Variants in ITGA9 observed in about 807,000 individuals in gnomAD.
The protein encoded by ITGA9 is integrin alpha-9.
Under a neutral mutation model 127.8 loss-of-function variants are expected in ITGA9, and 56 were observed. The observed-to-expected ratio is 0.44, with a 90% CI of 0.35 to 0.55. The LOEUF (loss-of-function observed/expected upper bound fraction) is 0.55. ITGA9 is among the 20% of genes least tolerant of loss of function. The pLI is 0.00. For missense variants in ITGA9, 1,196 were observed against 1,347.1 expected (o/e 0.89, Z 1.76); for synonymous variants, 508 against 514.5 (o/e 0.99, Z 0.17).
chr3:37,531,796 G>T (rs1235480654), intron 13 of ITGA9, among the ~76,000 whole-genome samples: 6 of 152,204 alleles, frequency 3.9e-5, no homozygotes, highest in African/African-American at 1.4e-4. Context: ...GAATTCACCG[G>T]ATCCCAGCCC....
intron 22 of ITGA9, among the ~76,000 whole-genome samples, chr3:37,750,124 A>G (rs1696563544): frequency 6.6e-6 from 1 of 151,666 alleles, no homozygotes; most frequent in African/African-American, 2.4e-5. Flanking sequence ...CCACTGGACT[A>G]GATTATGATG....
At position 37,585,223 on chromosome 3, in the gene ITGA9, C is replaced by G. The variant is rs73824840; in HGVS notation, c.1689+42638C>G. 3.6e-3 allele frequency among the ~76,000 whole-genome samples: 541 copies of G among 152,272 alleles called. 6 individuals are homozygous for G. The highest frequency in any genetic ancestry group is 0.012 in the African/African-American group (499 of 41,548). On this transcript the variant is annotated intron_variant, in intron 15 of 27. Transcript: ENST00000264741. ...CCTTCAGTGAATTCTTTTTGTCTCC[C>G]TGGTTGAAGGAAACATCTGCTTCTG... is the stretch of plus-strand genomic sequence containing the variant.
chr3:37,529,089 C>T (rs557113798), intron 13 of ITGA9, among the ~76,000 whole-genome samples: 2 of 152,236 alleles, frequency 1.3e-5, no homozygotes, highest in East Asian at 3.9e-4. Context: ...GCTTGTTTTT[C>T]CCCTTACTGA....
chr3:37,479,981 GA>G (rs2125557994), intron 3 of ITGA9, among the ~76,000 whole-genome samples: 1 of 152,252 alleles, frequency 6.6e-6, no homozygotes, highest in African/African-American at 2.4e-5. Flanking sequence ...GGCAAACCAA[GA>G]TGTTAAAAAC....
chr3:37,587,084 T>G (rs1018247982), intron 15 of ITGA9, among the ~76,000 whole-genome samples: 1 of 152,232 alleles, frequency 6.6e-6, no homozygotes, highest in Non-Finnish European at 1.5e-5. Flanking sequence ...TTAGCATATG[T>G]TGCATTATGT....
At chr3:37,578,927 C>T (rs1368825473) in intron 15 of ITGA9, among the ~76,000 whole-genome samples, 1 of 151,858 alleles carries the variant, frequency 6.6e-6, no homozygotes, top group Non-Finnish European at 1.5e-5. Flanking sequence ...GGGGAGCAAG[C>T]AGAGAGGGAG....
chr3:37,642,800 T>C (rs973352019), intron 16 of ITGA9, among the ~76,000 whole-genome samples: 1 of 152,224 alleles, frequency 6.6e-6, no homozygotes, highest in African/African-American at 2.4e-5. Context: ...TGGGTCTCCA[T>C]TGTGCTGGAA....
chr3:37,777,435 C>T lies in ITGA9; in HGVS notation c.2585C>T (p.Thr862Ile). 1.9e-6 allele frequency: 3 copies of T among 1,614,094 alleles called. No homozygotes were observed. Among genetic ancestry groups the T allele is most frequent in the Non-Finnish European group, 2.5e-6 (3 of 1,179,932 alleles). The change falls in exon 24 of 28, where the codon ACT becomes ATT. Residue 862 changes from threonine (T) to isoleucine (I), a missense_variant. Thr to Ile is a moderately conservative substitution (Grantham distance 89, BLOSUM62 -1). Coordinates refer to ENST00000264741, the MANE Select transcript of ITGA9 (RefSeq NM_002207.3). The stretch of plus-strand genomic sequence containing the variant: ...AACTGCTCTTTCCAGAAAAACCCAA[C>T]TCCCTGCATCATCCCTCAAGAACAA... ...KGNCSFQKNPTPCIIPQEQEN... is the reference protein window; with the variant it reads ...KGNCSFQKNPIPCIIPQEQEN...
chr3:37,578,839 G>A (rs202238291), intron 15 of ITGA9, among the ~76,000 whole-genome samples: 1 of 141,506 alleles, frequency 7.1e-6, no homozygotes, highest in Non-Finnish European at 1.6e-5. Context: ...AAGAAGGTAA[G>A]TCCTAAGATG....
chr3:37,578,186 T>C (rs192138862), intron 15 of ITGA9, among the ~76,000 whole-genome samples: 17 of 152,350 alleles, frequency 1.1e-4, no homozygotes, highest in Admixed American at 3.9e-4. Context: ...CATTTGCTCT[T>C]TGAAAACTTG....
chr3:37,789,768 CAA>C (rs71635850), intron 26 of ITGA9, among the ~76,000 whole-genome samples: 18 of 35,678 alleles, frequency 5.0e-4, no homozygotes, highest in East Asian at 1.1e-3. Flanking sequence ...GACTCCGTCT[CAA>C]AAAAAAAAAA....
chr3:37,759,067 AT>A (rs1696691551), intron 23 of ITGA9, among the ~76,000 whole-genome samples: 1 of 138,044 alleles, frequency 7.2e-6, no homozygotes, highest in African/African-American at 2.9e-5. Flanking sequence ...ATATATACAT[AT>A]ATATATACCC....
At chr3:37,481,143 C>G (rs144211499) in intron 3 of ITGA9, among the ~76,000 whole-genome samples, 155 of 152,342 alleles carry the variant, frequency 1.0e-3, no homozygotes, top group Non-Finnish European at 1.7e-3. Flanking sequence ...CCCTCTTCCC[C>G]TCATGCTTCA....
At chr3:37,572,861 A>G (rs977678903) in intron 15 of ITGA9, among the ~76,000 whole-genome samples, 2 of 152,090 alleles carry the variant, frequency 1.3e-5, no homozygotes, top group African/African-American at 4.8e-5. Context: ...ATCACCTCTC[A>G]CTCTCATTTT....
chr3:37,606,083 C>A (rs966456396), intron 15 of ITGA9, among the ~76,000 whole-genome samples: 3 of 152,154 alleles, frequency 2.0e-5, no homozygotes, highest in African/African-American at 7.2e-5. Flanking sequence ...TATTCTTGCA[C>A]CCTGTACCAC....
intron 16 of ITGA9, among the ~76,000 whole-genome samples, chr3:37,646,336 C>T (rs573264565): frequency 2.6e-5 from 4 of 152,268 alleles, no homozygotes; most frequent in Admixed American, 1.3e-4. Flanking sequence ...GAAAAAGTTG[C>T]CAGCCTTGTT....
chr3:37,515,039 G>T (rs11921592), intron 9 of ITGA9, among the ~76,000 whole-genome samples: 4,189 of 152,228 alleles, frequency 0.028, 84 homozygotes, highest in Non-Finnish European at 0.045. Flanking sequence ...TTCAGGATCT[G>T]GAAGTACAAG....
rs754062640 is a variant in ITGA9 at position 37,503,318 on chromosome 3, A to T, written c.742+11A>T. On this transcript the variant is annotated intron_variant, in intron 6 of 27. Coordinates refer to ENST00000264741, the MANE Select transcript of ITGA9 (RefSeq NM_002207.3). ...GGTACACCTACCTGGGTGAGTACTC[A>T]GGGAGAGAACAGGTAAGAAAGGGGA... 6.2e-7 allele frequency: 1 copy of T among 1,613,674 alleles called. No individual in the cohort carries two copies. The highest frequency in any genetic ancestry group is 8.5e-7 in the Non-Finnish European group (1 of 1,179,766).
rs1347910839 is a variant in ITGA9 at position 37,723,360 on chromosome 3, A to T, written c.2068-9352A>T. Among the ~76,000 whole-genome samples, 10 of 151,668 alleles carry T rather than the reference A, an allele frequency of 6.6e-5. No individual in the cohort carries two copies. In the South Asian group the frequency reaches 1.0e-3, roughly 16 times the overall value. On this transcript the variant is annotated intron_variant, in intron 18 of 27. Transcript: ENST00000264741. ...TGCTACTTTTGTAATTATTATTATT[A>T]TTTTTATTATTATTATTTGAGGCAG...
Sources: gnomAD v4.1 joint callset for allele counts (sites outside exome capture counted in the v4.1 genomes callset) on GRCh38, gnomAD v4.1.1 for gene constraint, MANE v1.5 for transcripts, NCBI Gene and HGNC (gene_info 2026-07-23, HGNC 2026-07-21) for gene names.